Variants in DNAH12 observed in about 807,000 individuals in gnomAD.
The protein encoded by DNAH12 is axonemal beta dynein heavy chain 12.
Under a neutral mutation model 371.5 loss-of-function variants are expected in DNAH12, and 285 were observed. The observed-to-expected ratio is 0.77, with a 90% CI of 0.70 to 0.85. DNAH12 has a LOEUF of 0.85. DNAH12 is among the 40% of genes least tolerant of loss of function. DNAH12 has a pLI of 0.00. For missense variants in DNAH12, 3,611 were observed against 3,689.4 expected (o/e 0.98, Z 0.55); for synonymous variants, 1,200 against 1,213.0 (o/e 0.99, Z 0.22).
chr3:57,305,979 G>T (rs922347530), intron 69 of DNAH12, among the ~76,000 whole-genome samples: 2 of 152,186 alleles, frequency 1.3e-5, no homozygotes, highest in Non-Finnish European at 2.9e-5. Context: ...TGGCCACTGG[G>T]CCAAGAAATG....
intron 37 of DNAH12, among the ~76,000 whole-genome samples, chr3:57,417,116 G>A (rs946299388): frequency 6.6e-6 from 1 of 152,148 alleles, no homozygotes; most frequent in Admixed American, 6.6e-5. Context: ...TGGGCATGGT[G>A]GCAAATGCCT....
chr3:57,324,988 C>A (rs2061903036), intron 62 of DNAH12, among the ~76,000 whole-genome samples: 1 of 152,212 alleles, frequency 6.6e-6, no homozygotes, highest in Non-Finnish European at 1.5e-5. Flanking sequence ...AGTCTGAGAT[C>A]AAACTGCAAG....
intron 10 of DNAH12, among the ~76,000 whole-genome samples, chr3:57,501,683 T>C (rs1462345235): frequency 6.6e-6 from 1 of 152,182 alleles, no homozygotes; most frequent in Non-Finnish European, 1.5e-5. Context: ...AGATATTGGT[T>C]AATAGAATGT....
intron 55 of DNAH12, among the ~76,000 whole-genome samples, chr3:57,374,587 A>G (rs1372525206): frequency 6.6e-6 from 1 of 152,190 alleles, no homozygotes; most frequent in Non-Finnish European, 1.5e-5. Context: ...TGTATCTTGA[A>G]GATGGGTAGC....
At position 57,533,095 on chromosome 3, in the gene DNAH12, C is replaced by T. The variant is rs183871136; in HGVS notation, c.171-9211G>A. On this transcript the variant is annotated intron_variant, in intron 2 of 73. Transcript: ENST00000495027. ...CCCTCCCCTTTCACAGGCAGAGGAG[C>T]CTCACCCCACGGCCACCAATGTCAC... Among the ~76,000 whole-genome samples, 477 of 152,290 alleles carry T rather than the reference C, an allele frequency of 3.1e-3. 3 individuals carry two copies. Among genetic ancestry groups the T allele is most frequent in the African/African-American group, 0.011 (460 of 41,566 alleles).
intron 62 of DNAH12, among the ~76,000 whole-genome samples, chr3:57,333,849 GA>G (rs1169079598): frequency 6.6e-6 from 1 of 152,084 alleles, no homozygotes. Flanking sequence ...CAAAAAGCAG[GA>G]AATTATCATG....
chr3:57,435,460 C>A (rs911676864), intron 30 of DNAH12, among the ~76,000 whole-genome samples: 1 of 150,912 alleles, frequency 6.6e-6, no homozygotes, highest in Non-Finnish European at 1.5e-5. Context: ...AAGATTGTGG[C>A]TCCCTCCACA....
intron 8 of DNAH12, among the ~76,000 whole-genome samples, chr3:57,506,185 G>A (rs1326498836): frequency 6.6e-6 from 1 of 152,142 alleles, no homozygotes; most frequent in African/African-American, 2.4e-5. Flanking sequence ...GGGAGGGGAG[G>A]TCTGACAGCC....
intron 70 of DNAH12, among the ~76,000 whole-genome samples, chr3:57,299,069 A>G (rs1301931923): frequency 6.6e-6 from 1 of 152,212 alleles, no homozygotes; most frequent in Non-Finnish European, 1.5e-5. Context: ...AGATGCTGCA[A>G]CAGTACAAGC....
chr3:57,381,872 T>C (rs1008308462), intron 50 of DNAH12, among the ~76,000 whole-genome samples: 5 of 50,818 alleles, frequency 9.8e-5, no homozygotes, highest in Non-Finnish European at 2.7e-4. Flanking sequence ...ACCATATATA[T>C]ATATTTTTTT....
chr3:57,490,295 G>A (rs2067072381), intron 11 of DNAH12, among the ~76,000 whole-genome samples: 1 of 152,046 alleles, frequency 6.6e-6, no homozygotes, highest in African/African-American at 2.4e-5. Flanking sequence ...ATGGCACCCT[G>A]CATTCCAGGC....
At chr3:57,372,618 G>GCAT (rs1210751042) in intron 55 of DNAH12, among the ~76,000 whole-genome samples, 1 of 151,912 alleles carries the variant, frequency 6.6e-6, no homozygotes, top group Non-Finnish European at 1.5e-5. Flanking sequence ...ATATATAATA[G>GCAT]CATAAAATTA....
At chr3:57,301,065 G>A (rs577442890) in intron 70 of DNAH12, among the ~76,000 whole-genome samples, 17 of 152,092 alleles carry the variant, frequency 1.1e-4, no homozygotes, top group Admixed American at 9.8e-4. Flanking sequence ...CAAGGTGGGA[G>A]GATTGCTTGA....
At chr3:57,412,946 A>C (rs1553683473) in intron 39 of DNAH12, among the ~76,000 whole-genome samples, 1 of 152,232 alleles carries the variant, frequency 6.6e-6, no homozygotes, top group Non-Finnish European at 1.5e-5. Flanking sequence ...GTATTTACTC[A>C]AAGAAGTTGA....
rs913570162 is a variant in DNAH12 at position 57,399,758 on chromosome 3, T to C, written c.6948+3551A>G. Among the ~76,000 whole-genome samples, 229 of 152,302 alleles carry C rather than the reference T, an allele frequency of 1.5e-3. 2 individuals carry two copies. Among genetic ancestry groups the C allele is most frequent in the East Asian group, 0.01 (54 of 5,182 alleles). Reference sequence around the variant, plus strand: ...CTCTTCATCCTCAGCCTACCCAACATGAAGATCGTGAGGATGAAGACCTTT... The same window carrying C: ...CTCTTCATCCTCAGCCTACCCAACACGAAGATCGTGAGGATGAAGACCTTT... On this transcript the variant is annotated intron_variant, in intron 43 of 73. Transcript: ENST00000495027.
Position 57,516,698 on chromosome 3 carries a change from T to C in DNAH12, c.280-5719A>G, listed in dbSNP as rs184268641. Among the ~76,000 whole-genome samples, 6 of 152,358 alleles carry C rather than the reference T, an allele frequency of 3.9e-5. No individual in the cohort carries two copies. In the East Asian group the frequency reaches 1.2e-3, roughly 29 times the overall value. The stretch of plus-strand genomic sequence containing the variant: ...AACTATTCTCTCTCACCTAGACTGT[T>C]ATCTTGTACAACTACCTGGTTCTTC... On this transcript the variant is annotated intron_variant, in intron 4 of 73. Coordinates refer to ENST00000495027, the MANE Select transcript of DNAH12 (RefSeq NM_001366028.2).
chr3:57,480,246 C>T (rs187782200), intron 13 of DNAH12, among the ~76,000 whole-genome samples: 1,527 of 152,204 alleles, frequency 0.01, 14 homozygotes, highest in African/African-American at 0.035. Flanking sequence ...GATGTCACCA[C>T]CGATCCCACA....
chr3:57,307,621 T>C (rs1010605589), intron 69 of DNAH12, among the ~76,000 whole-genome samples: 1 of 152,194 alleles, frequency 6.6e-6, no homozygotes, highest in African/African-American at 2.4e-5. Flanking sequence ...AAATCTATTT[T>C]CTTCCTCACA....
At chr3:57,324,652 G>C (rs368661472) in intron 62 of DNAH12, among the ~76,000 whole-genome samples, 2 of 152,176 alleles carry the variant, frequency 1.3e-5, no homozygotes, top group Admixed American at 6.5e-5. Context: ...ACGCAGAAGA[G>C]GGGTGATTTC....
Sources: gnomAD v4.1 joint callset for allele counts (sites outside exome capture counted in the v4.1 genomes callset) on GRCh38, gnomAD v4.1.1 for gene constraint, MANE v1.5 for transcripts, NCBI Gene and HGNC (gene_info 2026-07-23, HGNC 2026-07-21) for gene names.